RUFY2: variants seen among roughly 807,000 people sequenced by gnomAD.
The protein encoded by RUFY2 is RUN and FYVE domain-containing protein 2.
A neutral mutation model predicts 94.4 loss-of-function variants in RUFY2; 49 were observed. The ratio of observed to expected loss-of-function variants is 0.52; its 90% CI spans 0.41 to 0.66. The LOEUF (loss-of-function observed/expected upper bound fraction) is 0.66. Ranked by LOEUF, RUFY2 falls within the 30% of genes least tolerant of loss-of-function variation. The pLI, the probability that RUFY2 is intolerant of heterozygous loss-of-function variation, is 0.00. For missense variants in RUFY2, 541 were observed against 692.8 expected (o/e 0.78, Z 2.46); for synonymous variants, 255 against 235.7 (o/e 1.08, Z -0.75).
chr10:68,378,257 A>G, intron 12 of RUFY2: 1 of 1,064,118 alleles, frequency 9.4e-7, no homozygotes. Context: ...TTATTTTTAA[A>G]CAATCTTTAT....
At chr10:68,406,500 G>A (rs2051314756) in intron 1 of RUFY2, among the ~76,000 whole-genome samples, 2 of 152,226 alleles carry the variant, frequency 1.3e-5, no homozygotes, top group Admixed American at 1.3e-4. Context: ...CTGGGAGGCA[G>A]ATCGGTGCTG....
In RUFY2 at chr10:68,406,829, C is replaced by T. The variant is rs74507746; in HGVS notation, c.4+357G>A. 3.4e-4 allele frequency: 550 copies of T among 1,612,704 alleles called. 4 individuals are homozygous for T. In the African/African-American group the frequency reaches 6.5e-3, roughly 19 times the overall value. On this transcript the variant is annotated intron_variant, in intron 1 of 17. Coordinates refer to ENST00000602465, the MANE Select transcript of RUFY2 (RefSeq NM_001330103.2). ...ACCCAGGCCAAAACCTGAGATGCGTCTTCCCTCCGCCACCCCCAAACCTGA... is the reference window on the plus strand; with the variant it reads ...ACCCAGGCCAAAACCTGAGATGCGTTTTCCCTCCGCCACCCCCAAACCTGA...
chr10:68,379,406 A>T lies in RUFY2; in HGVS notation c.1205+18T>A, dbSNP rs1440886078. The T allele has an allele frequency of 1.3e-6, 2 of 1,556,138 alleles. No homozygotes were observed. The highest frequency in any genetic ancestry group is 4.5e-5 in the East Asian group (2 of 43,982). ...AAGAAGAAAAGAAAAAAAGAAACTA[A>T]GACTGGAAATGCTGTACCTTTGTTC... is the stretch of plus-strand genomic sequence containing the variant. On this transcript the variant is annotated intron_variant, in intron 12 of 17. Coordinates refer to ENST00000602465, the MANE Select transcript of RUFY2 (RefSeq NM_001330103.2).
At chr10:68,356,714 A>G (rs1011938178) in intron 15 of RUFY2, among the ~76,000 whole-genome samples, 1 of 151,460 alleles carries the variant, frequency 6.6e-6, no homozygotes, top group East Asian at 2.0e-4. Context: ...CTCCCAGGCT[A>G]ATTTTTGTAT....
At position 68,345,860 on chromosome 10, in the gene RUFY2, C is replaced by G. The variant is rs752429335; in HGVS notation, c.1729G>C (p.Glu577Gln). The change falls in exon 18 of 18, where the codon GAA (glutamate) becomes CAA (glutamine). Residue 577 changes from glutamate to glutamine, a missense_variant. Transcript: ENST00000602465. ...EIFCNACSDN[E>Q]LPLPSSPKPV... Reference sequence around the variant, plus strand: ...TTTGGTGAAGAAGGCAAAGGTAGTTCGTTGTCAGAGCAGGCATTACAGAAA... The same window carrying G: ...TTTGGTGAAGAAGGCAAAGGTAGTTGGTTGTCAGAGCAGGCATTACAGAAA... 3.1e-6 allele frequency: 5 copies of G among 1,614,050 alleles called. No individual in the cohort carries two copies. The highest frequency in any genetic ancestry group is 4.2e-6 in the Non-Finnish European group (5 of 1,179,984).
chr10:68,366,860 A>G (rs2047883586), intron 13 of RUFY2, among the ~76,000 whole-genome samples: 1 of 139,246 alleles, frequency 7.2e-6, no homozygotes, highest in Non-Finnish European at 1.5e-5. Context: ...ATAAATAAAT[A>G]TATTAAATAA....
Position 68,388,950 on chromosome 10 carries a change from C to T in RUFY2, c.651-2822G>A, listed in dbSNP as rs150087391. On this transcript the variant is annotated intron_variant, in intron 7 of 17. Coordinates refer to ENST00000602465, the MANE Select transcript of RUFY2 (RefSeq NM_001330103.2). ...ATCTGTCACCCAGGCTGGAGTGCAG[C>T]GGCACAAACTCAGCTCAGTGTAGCC... Among the ~76,000 whole-genome samples, 316 of 152,136 alleles carry T rather than the reference C, an allele frequency of 2.1e-3. 1 individual carries two copies. The highest frequency in any genetic ancestry group is 5.2e-3 in the Admixed American group (79 of 15,292).
chr10:68,384,463 A>C (rs1244809123), intron 8 of RUFY2, among the ~76,000 whole-genome samples: 1 of 152,232 alleles, frequency 6.6e-6, no homozygotes, highest in East Asian at 1.9e-4. Context: ...TATGTCCTGA[A>C]TACAAAGTGT....
At chr10:68,341,390 G>A (rs957893397), downstream of RUFY2, 29 of 1,431,102 alleles carry the variant, frequency 2.0e-5, no homozygotes, top group South Asian at 1.2e-4. Context: ...TGTAGGTAAC[G>A]CTTGGCAGTT....
intron 2 of RUFY2, among the ~76,000 whole-genome samples, chr10:68,404,317 GC>G (rs1238841448): frequency 6.6e-6 from 1 of 152,024 alleles, no homozygotes; most frequent in African/African-American, 2.4e-5. Flanking sequence ...CTATTTCAAT[GC>G]AGTTGTTCAA....
At chr10:68,381,117 G>C in intron 11 of RUFY2, 115 bp downstream of exon 11, 2 of 599,116 alleles carry the variant, frequency 3.3e-6, no homozygotes, top group Non-Finnish European at 2.7e-6. Context: ...AAAGACATTG[G>C]CCTTTATAAT....
chr10:68,370,630 C>T (rs1475179845), intron 13 of RUFY2, among the ~76,000 whole-genome samples: 2 of 150,978 alleles, frequency 1.3e-5, no homozygotes, highest in Non-Finnish European at 3.0e-5. Flanking sequence ...ACAGCCTGGC[C>T]GACAGCAAGA....
intron 3 of RUFY2, 63 bp downstream of exon 3, chr10:68,401,557 A>G: frequency 1.0e-6 from 1 of 953,744 alleles, no homozygotes; most frequent in Admixed American, 1.7e-5. Context: ...AGTGTGAGGT[A>G]CTTTGGAGGA....
chr10:68,402,724 C>CAA (rs34726850), intron 2 of RUFY2, among the ~76,000 whole-genome samples: 2,084 of 136,294 alleles, frequency 0.015, 65 homozygotes, highest in African/African-American at 0.052. Flanking sequence ...ACCCCCATCT[C>CAA]AAAAAAAAAA....
intron 15 of RUFY2, among the ~76,000 whole-genome samples, chr10:68,363,268 CT>C: frequency 6.6e-6 from 1 of 152,160 alleles, no homozygotes. Context: ...ACTCCACCTC[CT>C]GGGTTCAAGC....
chr10:68,355,967 C>T (rs896844215), intron 15 of RUFY2, among the ~76,000 whole-genome samples: 6 of 150,406 alleles, frequency 4.0e-5, no homozygotes, highest in African/African-American at 1.5e-4. Context: ...GTGATCATGA[C>T]AATATTTATA....
intron 7 of RUFY2, among the ~76,000 whole-genome samples, chr10:68,388,555 G>A (rs2049707027): frequency 6.6e-6 from 1 of 152,082 alleles, no homozygotes; most frequent in African/African-American, 2.4e-5. Context: ...AACAATGAAA[G>A]GCCGGGTGCA....
downstream of RUFY2, chr10:68,341,932 A>G: frequency 6.2e-7 from 1 of 1,600,350 alleles, no homozygotes; most frequent in Non-Finnish European, 8.6e-7. Context: ...TTATTATTTT[A>G]TGCAGATATC....
intron 5 of RUFY2, 37 bp from the exon 6 acceptor site, chr10:68,394,173 GA>G (rs771055416): frequency 1.3e-5 from 19 of 1,486,006 alleles, no homozygotes; most frequent in Non-Finnish European, 8.1e-6. Flanking sequence ...TTAAAGGGGA[GA>G]AAATACTTTA....
Sources: allele counts gnomAD v4.1 joint callset (sites outside exome capture counted in the v4.1 genomes callset), GRCh38; gene constraint gnomAD v4.1.1; transcripts MANE v1.5; gene names NCBI Gene and HGNC (gene_info 2026-07-23, HGNC 2026-07-21).